The following FRY variants were observed in gnomAD, a reference collection of about 807,000 sequenced individuals.
The protein encoded by FRY is protein furry homolog.
In FRY, 128 loss-of-function variants were observed where a neutral mutation model predicts 348.4. That is an observed-to-expected ratio of 0.37 (90% CI 0.32 to 0.43). FRY has a LOEUF of 0.43. Among genes scored for constraint, FRY ranks in the 20% least tolerant of loss-of-function variants. FRY has a pLI of 1.00. For missense variants in FRY, 2,736 were observed against 3,695.2 expected (o/e 0.74, Z 6.73); for synonymous variants, 1,370 against 1,374.7 (o/e 1.00, Z 0.08).
intron 33 of FRY, among the ~76,000 whole-genome samples, chr13:32,210,131 C>CA (rs1315867388): frequency 6.6e-6 from 1 of 152,156 alleles, no homozygotes; most frequent in African/African-American, 2.4e-5. Context: ...AATAAGAAAG[C>CA]AGAGTATGCA....
intron 36 of FRY, among the ~76,000 whole-genome samples, chr13:32,223,448 T>G (rs532948926): frequency 2.0e-5 from 3 of 152,160 alleles, no homozygotes; most frequent in Non-Finnish European, 4.4e-5. Context: ...TTCTCACCCA[T>G]TTGATCATGT....
chr13:32,104,052 A>G (rs34994910), intron 3 of FRY, among the ~76,000 whole-genome samples: 24 of 152,098 alleles, frequency 1.6e-4, no homozygotes, highest in Non-Finnish European at 3.5e-4. Flanking sequence ...TTAAATTATC[A>G]CTGTCCTTTC....
At position 32,272,497 on chromosome 13, in the gene FRY, C is replaced by A. The variant is rs546340404; in HGVS notation, c.8137-2345C>A. Among the ~76,000 whole-genome samples the A allele has an allele frequency of 9.9e-5, 15 of 152,248 alleles. No homozygotes were observed. The South Asian group carries it at 3.1e-3, about 32-fold the overall frequency. On this transcript the variant is annotated intron_variant, in intron 55 of 60. Transcript: ENST00000542859. ...TCACAAGAAAACAAAACTGAATTTA[C>A]ATCCCCTAAATGTCACTGGGTATGG...
chr13:32,039,476 T>C (rs538111213), intron 1 of FRY, among the ~76,000 whole-genome samples: 107 of 122,506 alleles, frequency 8.7e-4, no homozygotes, highest in Admixed American at 1.7e-3. Flanking sequence ...TCTTTCTCTC[T>C]CTGTCTCTCT....
intron 2 of FRY, among the ~76,000 whole-genome samples, chr13:32,088,724 T>C (rs1876053259): frequency 6.6e-6 from 1 of 152,186 alleles, no homozygotes. Context: ...CACCAGGTAA[T>C]AAAAAATATC....
intron 7 of FRY, among the ~76,000 whole-genome samples, chr13:32,130,452 T>TGTGTGTGTGTG (rs1879284359): frequency 7.0e-6 from 1 of 141,888 alleles, no homozygotes; most frequent in Non-Finnish European, 1.5e-5. Flanking sequence ...TGGAAAGTGT[T>TGTGTGTGTGTG]TGTGTGTGTG....
intron 3 of FRY, among the ~76,000 whole-genome samples, chr13:32,102,865 C>T (rs1010602509): frequency 2.0e-5 from 3 of 152,282 alleles, no homozygotes; most frequent in South Asian, 2.1e-4. Flanking sequence ...TTGGTGCCAA[C>T]GTCAGACACA....
rs1337201892 is a variant in FRY, at chr13:32,172,240, T to C, written c.2151+970T>C. On this transcript the variant is annotated intron_variant, in intron 18 of 60. Transcript: ENST00000542859. The stretch of plus-strand genomic sequence containing the variant: ...AATGTGGATGTGATAGGGATGTGGA[T>C]AGGGTTGTGGATGTAGATGTGGATA... Among the ~76,000 whole-genome samples the C allele has an allele frequency of 5.3e-5, 8 of 151,824 alleles. No individual in the cohort carries two copies. In the East Asian group the frequency reaches 1.5e-3, roughly 29 times the overall value.
At chr13:32,262,067 A>G (rs566115755) in intron 52 of FRY, among the ~76,000 whole-genome samples, 1 of 152,300 alleles carries the variant, frequency 6.6e-6, no homozygotes, top group African/African-American at 2.4e-5. Flanking sequence ...TTTTTCCCAA[A>G]TACCTTTTAT....
At chr13:32,095,112 C>T (rs1205227404) in intron 2 of FRY, among the ~76,000 whole-genome samples, 1 of 152,138 alleles carries the variant, frequency 6.6e-6, no homozygotes, top group African/African-American at 2.4e-5. Flanking sequence ...TGATGTTGAG[C>T]ACCTTTCATA....
At chr13:32,141,235 T>C (rs1880051083) in intron 11 of FRY, among the ~76,000 whole-genome samples, 2 of 152,186 alleles carry the variant, frequency 1.3e-5, no homozygotes, top group South Asian at 2.1e-4. Context: ...AATGTTGTTA[T>C]GATAATTTTA....
At chr13:32,226,092 G>A (rs544245979) in intron 39 of FRY, 118 bp downstream of exon 39, 6 of 804,224 alleles carry the variant, frequency 7.5e-6, no homozygotes, top group Middle Eastern at 2.8e-4. Context: ...AACTTTCCAC[G>A]TGGTAAATCA....
intron 31 of FRY, among the ~76,000 whole-genome samples, chr13:32,203,762 CT>C (rs1379284772): frequency 6.6e-6 from 1 of 152,116 alleles, no homozygotes; most frequent in African/African-American, 2.4e-5. Context: ...CTTGCCTAAG[CT>C]TACGTAGCAC....
In FRY at chr13:32,265,471, G is replaced by A. The variant is rs373983827; in HGVS notation, c.7801G>A (p.Glu2601Lys). 3.1e-6 allele frequency: 5 copies of A among 1,614,132 alleles called. No individual in the cohort carries two copies. Among genetic ancestry groups the A allele is most frequent in the African/African-American group, 1.3e-5 (1 of 75,024 alleles). ...GSKAEAVREE[E>K]DTTVHEDDLS... ...CCAGGCTGAAGCTGTTCGTGAGGAG[G>A]AGGACACCACCGTGCATGAGGATGA... Residue 2601 changes from glutamate to lysine, a missense_variant, in exon 54 of 61, where the codon GAG becomes AAG. This residue lies in a region of FRY where 789 missense variants were observed against 996.2 expected (regional missense o/e 0.79). Coordinates refer to ENST00000542859, the MANE Select transcript of FRY (RefSeq NM_023037.3).
chr13:32,161,129 G>A lies in FRY; in HGVS notation c.1785-15G>A. The stretch of plus-strand genomic sequence containing the variant: ...GCTTTTTGACCTATTTTAAAATTTT[G>A]TCTTCTAATTCTAGGGGTGAGAGAA... On this transcript the variant is annotated splice_polypyrimidine_tract_variant and intron_variant, in intron 16 of 60. Transcript: ENST00000542859. 6.5e-7 allele frequency: 1 copy of A among 1,527,586 alleles called. No homozygotes were observed. The highest frequency in any genetic ancestry group is 9.1e-7 in the Non-Finnish European group (1 of 1,101,416). 94.6% of individuals were successfully genotyped at this position (1,527,586 alleles called of 1,614,324 possible).
intron 37 of FRY, 101 bp downstream of exon 37, chr13:32,224,486 T>A: frequency 9.4e-7 from 1 of 1,061,624 alleles, no homozygotes; most frequent in Non-Finnish European, 1.4e-6. Context: ...CATTAAATTA[T>A]CTTATCAATC....
At chr13:32,207,255 C>T (rs1337960810) in intron 31 of FRY, among the ~76,000 whole-genome samples, 1 of 151,752 alleles carries the variant, frequency 6.6e-6, no homozygotes, top group East Asian at 1.9e-4. Context: ...GGATTTTTTC[C>T]CCCATCTTAA....
chr13:32,222,640 T>G (rs1345027631), intron 36 of FRY, among the ~76,000 whole-genome samples: 1 of 152,204 alleles, frequency 6.6e-6, no homozygotes, highest in Non-Finnish European at 1.5e-5. Context: ...GTGGTGAAGA[T>G]GGAGAACAGT....
intron 11 of FRY, among the ~76,000 whole-genome samples, chr13:32,145,534 T>TG (rs1481545345): frequency 9.9e-5 from 13 of 131,900 alleles, no homozygotes; most frequent in African/African-American, 3.7e-4. Context: ...TTGTTTTTTT[T>TG]TTTTTTTTTT....
Sources: allele counts gnomAD v4.1 joint callset (sites outside exome capture counted in the v4.1 genomes callset), GRCh38; gene constraint gnomAD v4.1.1; regional missense constraint gnomAD v4.1.1; transcripts MANE v1.5; gene names NCBI Gene and HGNC (gene_info 2026-07-23, HGNC 2026-07-21).